Variants in SLC10A7 observed in about 807,000 individuals in gnomAD.
The protein encoded by SLC10A7 is solute carrier family 10 member 7, also known as sodium/bile acid cotransporter 7.
SLC10A7 carries 29 observed loss-of-function variants against 43.2 expected under a neutral mutation model. The ratio of observed to expected loss-of-function variants is 0.67; its 90% CI spans 0.50 to 0.92. The LOEUF (loss-of-function observed/expected upper bound fraction) is 0.92. SLC10A7 is among the 40% of genes least tolerant of loss of function. The probability of loss-of-function intolerance (pLI) is 0.00; values close to 1 mark genes in which losing one functional copy is unlikely to be tolerated. For missense variants in SLC10A7, 295 were observed against 403.2 expected (o/e 0.73, Z 2.30); for synonymous variants, 152 against 144.8 (o/e 1.05, Z -0.35).
At chr4:146,475,880 T>G (rs1579287295) in intron 4 of SLC10A7, among the ~76,000 whole-genome samples, 1 of 152,218 alleles carries the variant, frequency 6.6e-6, no homozygotes. Flanking sequence ...CCAACTGAAT[T>G]TATATTGCAA....
chr4:146,339,821 T>TTA (rs1734131163), intron 5 of SLC10A7, among the ~76,000 whole-genome samples: 1 of 151,214 alleles, frequency 6.6e-6, no homozygotes, highest in Non-Finnish European at 1.5e-5. Context: ...TTTTTTTTTT[T>TTA]AATTTTACTT....
chr4:146,486,758 G>C (rs903732357), intron 4 of SLC10A7, among the ~76,000 whole-genome samples: 13 of 152,316 alleles, frequency 8.5e-5, no homozygotes, highest in Non-Finnish European at 1.2e-4. Context: ...CAAGGAATAG[G>C]AGTTACTGAG....
rs1738706171 is a variant in SLC10A7 at position 146,521,729 on chromosome 4, T to G, written c.-12A>C. ...TCCAGCAGCCTCATATTTGTTAGGG[T>G]GGGTGGGTTTTGTTTATTTGTTTGG... On this transcript the variant is annotated 5_prime_UTR_variant, in exon 1 of 12. Coordinates refer to ENST00000335472, the MANE Select transcript of SLC10A7 (RefSeq NM_001029998.6). 6.2e-7 allele frequency: 1 copy of G among 1,608,114 alleles called. No homozygotes were observed. Among genetic ancestry groups the G allele is most frequent in the African/African-American group, 1.3e-5 (1 of 74,634 alleles).
chr4:146,480,316 C>A (rs1734362652), intron 4 of SLC10A7, among the ~76,000 whole-genome samples: 6 of 151,872 alleles, frequency 4.0e-5, no homozygotes, highest in Admixed American at 3.9e-4. Flanking sequence ...AAAATTATAA[C>A]CTTATATATT....
At chr4:146,475,095 A>G (rs577752318) in intron 4 of SLC10A7, among the ~76,000 whole-genome samples, 16 of 152,292 alleles carry the variant, frequency 1.1e-4, no homozygotes, top group African/African-American at 3.6e-4. Flanking sequence ...TCTGCCAAGG[A>G]TAAGATTAAG....
intron 6 of SLC10A7, among the ~76,000 whole-genome samples, chr4:146,309,591 G>A (rs1303201751): frequency 6.6e-6 from 1 of 152,100 alleles, no homozygotes; most frequent in Non-Finnish European, 1.5e-5. Flanking sequence ...CTCAATGAAT[G>A]TGTGTCAATT....
At chr4:146,361,378 T>C (rs1736037139) in intron 5 of SLC10A7, among the ~76,000 whole-genome samples, 1 of 152,214 alleles carries the variant, frequency 6.6e-6, no homozygotes, top group South Asian at 2.1e-4. Flanking sequence ...CAATATAGCT[T>C]CTAAACAGAT....
At chr4:146,446,575 CAAAAA>C (rs11300760) in intron 4 of SLC10A7, among the ~76,000 whole-genome samples, 1 of 128,076 alleles carries the variant, frequency 7.8e-6, no homozygotes. Context: ...GACCCTGTCT[CAAAAA>C]AAAAAAAAAA....
At chr4:146,403,153 G>A (rs1739338287) in intron 5 of SLC10A7, among the ~76,000 whole-genome samples, 2 of 152,132 alleles carry the variant, frequency 1.3e-5, no homozygotes, top group South Asian at 4.1e-4. Flanking sequence ...TTATATTGAA[G>A]TTTTACTATG....
intron 10 of SLC10A7, among the ~76,000 whole-genome samples, chr4:146,262,867 G>A (rs114594022): frequency 0.022 from 3,332 of 152,236 alleles, 111 homozygotes; most frequent in African/African-American, 0.076. Context: ...AAATCTGATC[G>A]TGTCACATCA....
At chr4:146,462,247 T>C (rs1732606394) in intron 4 of SLC10A7, among the ~76,000 whole-genome samples, 1 of 152,164 alleles carries the variant, frequency 6.6e-6, no homozygotes, top group Admixed American at 6.6e-5. Flanking sequence ...GGGAAGAATA[T>C]AGCAATTCTT....
intron 4 of SLC10A7, among the ~76,000 whole-genome samples, chr4:146,470,233 C>T (rs1019217516): frequency 1.3e-5 from 2 of 152,072 alleles, no homozygotes; most frequent in African/African-American, 2.4e-5. Flanking sequence ...GTCTTAAGAA[C>T]TATTGTTCAA....
chr4:146,436,666 C>T (rs943869371), intron 5 of SLC10A7, among the ~76,000 whole-genome samples: 9 of 151,962 alleles, frequency 5.9e-5, no homozygotes, highest in African/African-American at 1.9e-4. Flanking sequence ...AGTAATGCAA[C>T]TTACTGTCTT....
chr4:146,301,545 G>A (rs1283348987), intron 7 of SLC10A7, among the ~76,000 whole-genome samples: 1 of 152,150 alleles, frequency 6.6e-6, no homozygotes, highest in East Asian at 1.9e-4. Flanking sequence ...GACATTAGAT[G>A]GGAATTGGAA....
At chr4:146,435,008 C>CT (rs1730101387) in intron 5 of SLC10A7, among the ~76,000 whole-genome samples, 3 of 72,512 alleles carry the variant, frequency 4.1e-5, no homozygotes, top group Non-Finnish European at 5.6e-5. Context: ...GGGCAAGAAT[C>CT]ATTTTTTTTT....
intron 5 of SLC10A7, among the ~76,000 whole-genome samples, chr4:146,437,611 C>G (rs891032524): frequency 6.6e-6 from 1 of 152,068 alleles, no homozygotes; most frequent in Non-Finnish European, 1.5e-5. Flanking sequence ...CACATGCACA[C>G]ACACACAAAT....
chr4:146,255,779 AC>A lies in SLC10A7; in HGVS notation c.*711del. On this transcript the variant is annotated 3_prime_UTR_variant, in exon 12 of 12. Transcript: ENST00000335472. ...GAAGATATTAAGATATATTTTAAAG[AC>A]CCTGAAAATCAAATCACAGAGTTTA... 6.6e-6 allele frequency: 1 copy of A among 152,328 alleles called. No homozygotes were observed. Among genetic ancestry groups the A allele is most frequent in the Non-Finnish European group, 1.5e-5 (1 of 68,030 alleles). The allele number at this position is 152,328 out of a possible 1,614,324, so 9.4% of individuals were successfully genotyped here.
chr4:146,475,622 C>T (rs192747550), intron 4 of SLC10A7, among the ~76,000 whole-genome samples: 48 of 152,226 alleles, frequency 3.2e-4, no homozygotes, highest in Admixed American at 1.2e-3. Flanking sequence ...ACAACTTAAG[C>T]GTCAAAGACC....
chr4:146,285,853 G>C (rs986196633), intron 9 of SLC10A7, among the ~76,000 whole-genome samples: 6 of 151,372 alleles, frequency 4.0e-5, no homozygotes, highest in Admixed American at 6.6e-5. Context: ...TGAATTTGGA[G>C]TGGTGAGAAG....
Sources: gnomAD v4.1 joint callset for allele counts (sites outside exome capture counted in the v4.1 genomes callset) on GRCh38, gnomAD v4.1.1 for gene constraint, MANE v1.5 for transcripts, NCBI Gene and HGNC (gene_info 2026-07-23, HGNC 2026-07-21) for gene names.